Variants in TACR3 observed in about 807,000 individuals in gnomAD.
The protein encoded by TACR3 is tachykinin receptor 3, also known as neuromedin-K receptor.
TACR3 carries 34 observed loss-of-function variants against 35.0 expected under a neutral mutation model. The observed-to-expected ratio is 0.97, with a 90% CI of 0.74 to 1.30. The LOEUF is 1.30. TACR3 is among the 50% of genes most tolerant of loss of function. TACR3 has a pLI of 0.00. For missense variants in TACR3, 558 were observed against 591.7 expected, an observed-to-expected ratio of 0.94 and a Z score of 0.59; for synonymous variants, 233 against 221.1, an observed-to-expected ratio of 1.05 and a Z score of -0.48.
intron 1 of TACR3, among the ~76,000 whole-genome samples, chr4:103,715,889 A>G (rs1376364649): frequency 6.6e-6 from 1 of 152,154 alleles, no homozygotes; most frequent in Non-Finnish European, 1.5e-5. Flanking sequence ...CATAGAATAT[A>G]TATATATGTA....
rs200976120 is a variant in TACR3 at position 103,719,814 on chromosome 4, A to G, written c.-139T>C. The G allele has an allele frequency of 7.9e-6, 9 of 1,135,704 alleles. No homozygotes were observed. Among genetic ancestry groups the G allele is most frequent in the Non-Finnish European group, 1.0e-5 (8 of 792,254 alleles). The allele number at this position is 1,135,704 out of a possible 1,614,324, so 70.4% of individuals were successfully genotyped here. On this transcript the variant is annotated 5_prime_UTR_variant, in exon 1 of 5. Coordinates refer to ENST00000304883, the MANE Select transcript of TACR3 (RefSeq NM_001059.3). The stretch of plus-strand genomic sequence containing the variant: ...AAGACTGGAAGCTGAAAGATACTGC[A>G]ATCCCTGCTGGTTAGGGGATGCAGC...
intron 3 of TACR3, among the ~76,000 whole-genome samples, chr4:103,615,464 A>C (rs1219977752): frequency 6.6e-6 from 1 of 151,644 alleles, no homozygotes; most frequent in Admixed American, 6.6e-5. Flanking sequence ...GTGGCATCAG[A>C]TTCATGTTTC....
intron 3 of TACR3, among the ~76,000 whole-genome samples, chr4:103,622,047 T>G (rs1432842310): frequency 1.3e-5 from 2 of 152,096 alleles, no homozygotes; most frequent in Non-Finnish European, 2.9e-5. Context: ...AGAGGAATGG[T>G]CTGCAGAGAG....
rs114750475 is a variant in TACR3 at position 103,664,841 on chromosome 4, T to C, written c.549-6438A>G. Among the ~76,000 whole-genome samples, 261 of 152,296 alleles carry C rather than the reference T, an allele frequency of 1.7e-3. 1 individual carries two copies. The highest frequency in any genetic ancestry group is 6.1e-3 in the African/African-American group (252 of 41,562). ...TTTGTTTGTTTGGTTGATGGGCCTC[T>C]TGCTCTGTTGCCAAGGCTGGAGTGC... On this transcript the variant is annotated intron_variant, in intron 1 of 4. Transcript: ENST00000304883.
At chr4:103,678,302 T>C (rs1018773615) in intron 1 of TACR3, among the ~76,000 whole-genome samples, 1 of 152,154 alleles carries the variant, frequency 6.6e-6, no homozygotes, top group Non-Finnish European at 1.5e-5. Context: ...CAGTGTATTC[T>C]CTTTAAATTT....
Position 103,609,861 on chromosome 4 carries a change from T to C in TACR3, c.889-18178A>G, listed in dbSNP as rs966138804. Among the ~76,000 whole-genome samples, 8 of 152,118 alleles carry C rather than the reference T, an allele frequency of 5.3e-5. 1 individual carries two copies. The South Asian group carries it at 6.2e-4, about 12-fold the overall frequency. The stretch of plus-strand genomic sequence containing the variant: ...AAGGTAAACTTTGTTAGATTCTACA[T>C]ATGACTGAAATCTTGTGGTGTTTGT... On this transcript the variant is annotated intron_variant, in intron 3 of 4. Transcript: ENST00000304883.
chr4:103,626,405 TTTA>T (rs1476153639), intron 3 of TACR3, among the ~76,000 whole-genome samples: 12 of 151,046 alleles, frequency 7.9e-5, no homozygotes, highest in African/African-American at 1.5e-4. Flanking sequence ...TATGTGGGCT[TTTA>T]TTATTATTGT....
chr4:103,706,391 C>T (rs967471673), intron 1 of TACR3, among the ~76,000 whole-genome samples: 6 of 152,120 alleles, frequency 3.9e-5, no homozygotes, highest in Admixed American at 3.3e-4. Flanking sequence ...TAGAATAAAA[C>T]AAGTCTGTAT....
At chr4:103,660,547 C>CACA (rs1443723046) in intron 1 of TACR3, among the ~76,000 whole-genome samples, 2 of 151,702 alleles carry the variant, frequency 1.3e-5, no homozygotes, top group Non-Finnish European at 2.9e-5. Context: ...CACACACACA[C>CACA]AACAAATACA....
intron 1 of TACR3, among the ~76,000 whole-genome samples, chr4:103,703,624 T>C (rs1722715342): frequency 6.6e-6 from 1 of 152,152 alleles, no homozygotes; most frequent in Non-Finnish European, 1.5e-5. Context: ...AGTTGTCTAA[T>C]CTGCAGCATT....
chr4:103,632,786 G>C (rs1375832723), intron 3 of TACR3, among the ~76,000 whole-genome samples: 1 of 151,972 alleles, frequency 6.6e-6, no homozygotes, highest in Non-Finnish European at 1.5e-5. Context: ...CCAGAAAAGT[G>C]AATCTGTACA....
chr4:103,696,258 A>C (rs927900750), intron 1 of TACR3, among the ~76,000 whole-genome samples: 1 of 152,178 alleles, frequency 6.6e-6, no homozygotes. Context: ...AGTGATCTAA[A>C]TAATCACTGG....
At chr4:103,602,112 T>C (rs1724219942) in intron 3 of TACR3, among the ~76,000 whole-genome samples, 1 of 152,166 alleles carries the variant, frequency 6.6e-6, no homozygotes, top group South Asian at 2.1e-4. Flanking sequence ...TCTAAACTTC[T>C]CTTCTCCCTT....
chr4:103,705,932 T>C (rs769080569), intron 1 of TACR3, among the ~76,000 whole-genome samples: 9 of 152,154 alleles, frequency 5.9e-5, no homozygotes, highest in Non-Finnish European at 1.3e-4. Flanking sequence ...AATAGGGGTG[T>C]GGAAAATATT....
At chr4:103,661,672 ATAATTTCTACCTGTTAGAAAT>A (rs1484329533) in intron 1 of TACR3, among the ~76,000 whole-genome samples, 1 of 152,162 alleles carries the variant, frequency 6.6e-6, no homozygotes. Flanking sequence ...ATTTTCTGAA[ATAATTTCTACCTGTTAGAAAT>A]TAATTTCTAA....
At chr4:103,644,887 T>C (rs12647619) in intron 3 of TACR3, among the ~76,000 whole-genome samples, 16,005 of 151,712 alleles carry the variant, frequency 0.11, 969 homozygotes, top group South Asian at 0.19. Context: ...TGGAAATGTG[T>C]CCTGAAAATG....
intron 1 of TACR3, among the ~76,000 whole-genome samples, chr4:103,715,312 A>C (rs931118238): frequency 1.3e-5 from 2 of 152,048 alleles, no homozygotes; most frequent in African/African-American, 4.8e-5. Context: ...CTGTCTCCTG[A>C]TAGAGTTCTT....
intron 1 of TACR3, among the ~76,000 whole-genome samples, chr4:103,708,046 G>C (rs935242486): frequency 6.6e-5 from 10 of 152,314 alleles, no homozygotes; most frequent in South Asian, 2.1e-4. Flanking sequence ...AAGGAGGCCT[G>C]CCTGCCTCTG....
intron 3 of TACR3, among the ~76,000 whole-genome samples, chr4:103,603,022 C>T (rs191632615): frequency 1.3e-5 from 2 of 152,360 alleles, no homozygotes; most frequent in African/African-American, 4.8e-5. Context: ...CCTCCTTGAG[C>T]TGTGGTGGGC....
Sources: gnomAD v4.1 joint callset for allele counts (sites outside exome capture counted in the v4.1 genomes callset) on GRCh38, gnomAD v4.1.1 for gene constraint, MANE v1.5 for transcripts, NCBI Gene and HGNC (gene_info 2026-07-23, HGNC 2026-07-21) for gene names.